FUT9: variants seen among roughly 807,000 people sequenced by gnomAD.
FUT9 encodes the protein 4-galactosyl-N-acetylglucosaminide 3-alpha-L-fucosyltransferase 9.
A neutral mutation model predicts 29.7 loss-of-function variants in FUT9; 15 were observed. The ratio of observed to expected loss-of-function variants is 0.51; its 90% confidence interval spans 0.34 to 0.78. FUT9 has a LOEUF of 0.78. Among genes scored for constraint, FUT9 ranks in the 30% least tolerant of loss-of-function variants. The pLI is 0.01. For missense variants in FUT9, 319 were observed against 425.4 expected (o/e 0.75, Z 2.20); for synonymous variants, 169 against 153.7 (o/e 1.10, Z -0.74).
rs570420173 is a variant in FUT9, at chr6:96,212,167, A to G, written c.*7932A>G. 2.9e-3 allele frequency: 1,194 copies of G among 412,584 alleles called. 7 individuals are homozygous for G. Among genetic ancestry groups the G allele is most frequent in the Non-Finnish European group, 1.8e-3 (397 of 225,628 alleles). The allele number at this position is 412,584 out of a possible 1,614,324, so 25.6% of individuals were successfully genotyped here. A position where few individuals can be genotyped will look rare whatever the true frequency, so the allele number is the denominator to read the frequency against. On this transcript the variant is annotated 3_prime_UTR_variant, in exon 3 of 3. Transcript: ENST00000302103. ...GACTACCACTCATTATGTGAGAAATATGGGCCAGAGTTACAATATCACATC... is the reference window on the plus strand; with the variant it reads ...GACTACCACTCATTATGTGAGAAATGTGGGCCAGAGTTACAATATCACATC...
At chr6:96,037,421 T>G (rs1284133265) in intron 1 of FUT9, 1 of 151,998 alleles carries the variant, frequency 6.6e-6, no homozygotes, top group Non-Finnish European at 1.5e-5. Flanking sequence ...GTAAATAAAT[T>G]TAATAATGAA....
intron 1 of FUT9, among the ~76,000 whole-genome samples, chr6:96,102,176 G>C (rs1436875032): frequency 1.3e-5 from 2 of 151,872 alleles, no homozygotes; most frequent in African/African-American, 2.4e-5. Flanking sequence ...AGAGATCGTT[G>C]TTTATTTCTT....
At chr6:96,143,203 T>G (rs1772497952) in intron 2 of FUT9, among the ~76,000 whole-genome samples, 1 of 152,172 alleles carries the variant, frequency 6.6e-6, no homozygotes, top group South Asian at 2.1e-4. Context: ...AAAGAAGCTC[T>G]AAAGAGCTGC....
chr6:96,088,511 G>A (rs1771356476), intron 1 of FUT9, among the ~76,000 whole-genome samples: 3 of 149,296 alleles, frequency 2.0e-5, no homozygotes. Flanking sequence ...ATAGCTGTAT[G>A]ATTCTCTGTT....
intron 1 of FUT9, among the ~76,000 whole-genome samples, chr6:96,045,765 G>T (rs1179209886): frequency 1.3e-5 from 2 of 152,178 alleles, no homozygotes; most frequent in African/African-American, 4.8e-5. Flanking sequence ...GGTCACCCTG[G>T]GGAAGTTATC....
At chr6:96,059,526 G>A (rs143164763) in intron 1 of FUT9, among the ~76,000 whole-genome samples, 227 of 152,320 alleles carry the variant, frequency 1.5e-3, no homozygotes, top group African/African-American at 5.3e-3. Flanking sequence ...AGGAATAACT[G>A]ATATGTATGG....
At chr6:96,116,079 T>C (rs1013447055) in intron 2 of FUT9, among the ~76,000 whole-genome samples, 1 of 152,072 alleles carries the variant, frequency 6.6e-6, no homozygotes, top group African/African-American at 2.4e-5. Context: ...CCATAATATA[T>C]AAAAAACTCT....
At chr6:96,175,511 C>T (rs1196566480) in intron 2 of FUT9, among the ~76,000 whole-genome samples, 1 of 152,130 alleles carries the variant, frequency 6.6e-6, no homozygotes, top group South Asian at 2.1e-4. Flanking sequence ...TATACCTATT[C>T]GGTGGCTAGC....
At chr6:96,128,893 G>C (rs1772180575) in intron 2 of FUT9, among the ~76,000 whole-genome samples, 1 of 152,026 alleles carries the variant, frequency 6.6e-6, no homozygotes, top group Non-Finnish European at 1.5e-5. Flanking sequence ...GAAAGGCTGA[G>C]TAGGAAGGAT....
At chr6:96,045,798 G>A (rs546353540) in intron 1 of FUT9, among the ~76,000 whole-genome samples, 1 of 152,308 alleles carries the variant, frequency 6.6e-6, no homozygotes, top group South Asian at 2.1e-4. Flanking sequence ...GACTTCAGAG[G>A]AGGCATCTCC....
rs1773827094 is a variant in FUT9 at position 96,206,213 on chromosome 6, T to G, written c.*1978T>G. 6.0e-6 allele frequency: 1 copy of G among 167,082 alleles called. No homozygotes were observed. The highest frequency in any genetic ancestry group is 1.5e-5 in the Non-Finnish European group (1 of 68,110). The allele number at this position is 167,082 out of a possible 1,614,324, so 10.3% of individuals were successfully genotyped here. A position where few individuals can be genotyped will look rare whatever the true frequency, so the allele number is the denominator to read the frequency against. Reference sequence around the variant, plus strand: ...TTTGACATGTTTCTGAGCTGCAAACTTTGTCAACTCTTTTGACCCAACATA... The same window carrying G: ...TTTGACATGTTTCTGAGCTGCAAACGTTGTCAACTCTTTTGACCCAACATA... On this transcript the variant is annotated 3_prime_UTR_variant, in exon 3 of 3. Coordinates refer to ENST00000302103, the MANE Select transcript of FUT9 (RefSeq NM_006581.4).
At chr6:96,102,999 T>G (rs925519061) in intron 1 of FUT9, among the ~76,000 whole-genome samples, 3 of 151,248 alleles carry the variant, frequency 2.0e-5, no homozygotes. Context: ...GCCAAGAGAG[T>G]GGTAGGCAGG....
At chr6:96,128,867 G>C (rs1442526337) in intron 2 of FUT9, among the ~76,000 whole-genome samples, 1 of 152,020 alleles carries the variant, frequency 6.6e-6, no homozygotes. Context: ...GCTCACACCT[G>C]TAATACCAGC....
intron 2 of FUT9, among the ~76,000 whole-genome samples, chr6:96,163,271 T>C (rs988800099): frequency 7.8e-6 from 1 of 128,318 alleles, no homozygotes; most frequent in Admixed American, 1.0e-4. Flanking sequence ...CAGTAACTAC[T>C]TCCAAGCTCT....
At chr6:96,074,872 G>A (rs1771118522) in intron 1 of FUT9, among the ~76,000 whole-genome samples, 1 of 151,992 alleles carries the variant, frequency 6.6e-6, no homozygotes, top group South Asian at 2.1e-4. Context: ...GAACTCCTGG[G>A]TTCAAGTGAT....
chr6:96,020,920 T>C (rs1442358350), intron 1 of FUT9: 1 of 152,048 alleles, frequency 6.6e-6, no homozygotes, highest in Non-Finnish European at 1.5e-5. Context: ...ATTCAGCCTC[T>C]CTTTATTGAG....
chr6:96,078,386 CTCTT>C (rs1288992442), intron 1 of FUT9, among the ~76,000 whole-genome samples: 3 of 102,140 alleles, frequency 2.9e-5, no homozygotes, highest in Non-Finnish European at 6.1e-5. Context: ...TTGCTTTGAT[CTCTT>C]TCTTTCATAT....
chr6:96,145,299 G>C (rs897686228), intron 2 of FUT9, among the ~76,000 whole-genome samples: 3 of 151,976 alleles, frequency 2.0e-5, no homozygotes, highest in Non-Finnish European at 4.4e-5. Context: ...ACCGTGATCC[G>C]CCCGCCTCGG....
At chr6:96,017,536 C>G (rs1472189430) in intron 1 of FUT9, among the ~76,000 whole-genome samples, 1 of 152,084 alleles carries the variant, frequency 6.6e-6, no homozygotes, top group Non-Finnish European at 1.5e-5. Context: ...GTATTGAAAT[C>G]TTAAAAACAA....
Sources: allele counts gnomAD v4.1 joint callset (sites outside exome capture counted in the v4.1 genomes callset), GRCh38; gene constraint gnomAD v4.1.1; transcripts MANE v1.5; gene names NCBI Gene and HGNC (gene_info 2026-07-23, HGNC 2026-07-21).